Variants in PRKCA observed in about 807,000 individuals in gnomAD.
PRKCA encodes the protein protein kinase C alpha type.
In PRKCA, 27 loss-of-function variants were observed where a neutral mutation model predicts 87.0. The ratio of observed to expected loss-of-function variants is 0.31; its 90% confidence interval spans 0.23 to 0.43. PRKCA has a LOEUF of 0.43. Among genes scored for constraint, PRKCA ranks in the 20% least tolerant of loss-of-function variants. PRKCA has a pLI of 1.00. For synonymous variants in PRKCA, 329 were observed against 311.1 expected, an observed-to-expected ratio of 1.06 and a Z score of -0.61; for missense variants, 518 against 852.3, an observed-to-expected ratio of 0.61 and a Z score of 4.88.
chr17:66,460,300 A>G (rs1027958658), intron 2 of PRKCA, among the ~76,000 whole-genome samples: 1 of 151,958 alleles, frequency 6.6e-6, no homozygotes, highest in Middle Eastern at 3.2e-3. Flanking sequence ...TACTATTACT[A>G]TATGATTATG....
intron 3 of PRKCA, among the ~76,000 whole-genome samples, chr17:66,587,530 A>G (rs1229923775): frequency 6.6e-6 from 1 of 151,958 alleles, no homozygotes; most frequent in African/African-American, 2.4e-5. Context: ...CTAATGGAGG[A>G]CAGCTAGATT....
At chr17:66,654,974 A>G (rs980486025) in intron 5 of PRKCA, among the ~76,000 whole-genome samples, 13 of 152,210 alleles carry the variant, frequency 8.5e-5, no homozygotes, top group African/African-American at 2.9e-4. Flanking sequence ...TAGTGGCCCC[A>G]GTTCTTCCCC....
intron 5 of PRKCA, among the ~76,000 whole-genome samples, chr17:66,675,281 T>C (rs546946134): frequency 6.6e-6 from 1 of 152,190 alleles, no homozygotes; most frequent in Non-Finnish European, 1.5e-5. Flanking sequence ...ATAAGGGCAC[T>C]GATCCTCTCC....
chr17:66,665,371 G>T (rs759377831), intron 5 of PRKCA, among the ~76,000 whole-genome samples: 5 of 152,102 alleles, frequency 3.3e-5, no homozygotes, highest in Admixed American at 6.5e-5. Flanking sequence ...ATGACCAAAA[G>T]GTTTTCTGGT....
chr17:66,405,052 G>T (rs75169074), intron 2 of PRKCA, among the ~76,000 whole-genome samples: 1 of 151,970 alleles, frequency 6.6e-6, no homozygotes, highest in Admixed American at 6.6e-5. Context: ...GCCCGGCCAA[G>T]AGAGGGGTAG....
rs190935393 is a variant in PRKCA, at chr17:66,801,717, G to A, written c.1855-2156G>A. Among the ~76,000 whole-genome samples the A allele has an allele frequency of 3.2e-3, 490 of 152,276 alleles. 1 individual carries two copies. Among genetic ancestry groups the A allele is most frequent in the Non-Finnish European group, 4.1e-3 (278 of 68,020 alleles). ...CCATGGAAACGTGGGGTGTGAGAGT[G>A]GAAGCTTTGCCAGCCCACATGTGGG... On this transcript the variant is annotated intron_variant, in intron 16 of 16. Transcript: ENST00000413366.
intron 3 of PRKCA, among the ~76,000 whole-genome samples, chr17:66,552,052 CT>C (rs1160776340): frequency 2.0e-5 from 3 of 152,154 alleles, no homozygotes; most frequent in Admixed American, 2.0e-4. Flanking sequence ...AATCCCAGCA[CT>C]TGTGGAGGCC....
intron 2 of PRKCA, among the ~76,000 whole-genome samples, chr17:66,318,989 A>G (rs191842560): frequency 6.6e-6 from 1 of 152,262 alleles, no homozygotes; most frequent in East Asian, 1.9e-4. Context: ...AAATTACAAA[A>G]TTAGGCTAAT....
At chr17:66,617,442 T>C (rs752216571) in intron 3 of PRKCA, among the ~76,000 whole-genome samples, 42 of 152,096 alleles carry the variant, frequency 2.8e-4, no homozygotes, top group Admixed American at 2.1e-3. Flanking sequence ...TACAGGGCCA[T>C]TGAGATCAAA....
intron 3 of PRKCA, among the ~76,000 whole-genome samples, chr17:66,532,458 C>G (rs765040887): frequency 2.0e-5 from 3 of 151,802 alleles, no homozygotes; most frequent in Non-Finnish European, 4.4e-5. Flanking sequence ...TTCCGCCTCC[C>G]GGGTTTGAGC....
chr17:66,728,200 G>T (rs924147229), intron 8 of PRKCA, among the ~76,000 whole-genome samples: 1 of 152,206 alleles, frequency 6.6e-6, no homozygotes, highest in Non-Finnish European at 1.5e-5. Flanking sequence ...GGGAGCAAGG[G>T]CGTGAAGATG....
intron 2 of PRKCA, among the ~76,000 whole-genome samples, chr17:66,458,246 G>A (rs1914662131): frequency 6.6e-6 from 1 of 152,198 alleles, no homozygotes; most frequent in Non-Finnish European, 1.5e-5. Flanking sequence ...TCTTTTGTCA[G>A]GATCTTGTAG....
At chr17:66,709,035 A>T (rs1404832917) in intron 8 of PRKCA, among the ~76,000 whole-genome samples, 16 of 152,196 alleles carry the variant, frequency 1.1e-4, no homozygotes, top group Non-Finnish European at 2.9e-5. Flanking sequence ...TCATGATTTG[A>T]CTAGTTTCTC....
chr17:66,666,842 A>C (rs1972058240), intron 5 of PRKCA, among the ~76,000 whole-genome samples: 1 of 151,884 alleles, frequency 6.6e-6, no homozygotes, highest in African/African-American at 2.4e-5. Flanking sequence ...CCCCCCACAC[A>C]CAAATTTAGA....
intron 2 of PRKCA, among the ~76,000 whole-genome samples, chr17:66,374,447 C>T (rs545058536): frequency 1.7e-3 from 261 of 152,306 alleles, no homozygotes; most frequent in Non-Finnish European, 3.2e-3. Context: ...CCAGACTCCT[C>T]TGCTGCTTAC....
rs1567773562 is a variant in PRKCA at position 66,327,857 on chromosome 17, G to GC, written c.205+21732dup. 2.6e-5 allele frequency among the ~76,000 whole-genome samples: 4 copies of GC among 152,124 alleles called. No individual in the cohort carries two copies. The East Asian group carries it at 7.7e-4, about 29-fold the overall frequency. ...CATCGTCATATCTGCCAGCCACGGTGCCTGATGCTGGAGATACAAGTGAGC... is the reference window on the plus strand; with the variant it reads ...CATCGTCATATCTGCCAGCCACGGTGCCCTGATGCTGGAGATACAAGTGAGC... On this transcript the variant is annotated intron_variant, in intron 2 of 16. Transcript: ENST00000413366.
chr17:66,366,013 C>G (rs1908696645), intron 2 of PRKCA, among the ~76,000 whole-genome samples: 2 of 152,136 alleles, frequency 1.3e-5, no homozygotes, highest in African/African-American at 4.8e-5. Context: ...CATCTCGTGA[C>G]CAATATGCTT....
chr17:66,383,088 T>A (rs1909861080), intron 2 of PRKCA, among the ~76,000 whole-genome samples: 1 of 152,254 alleles, frequency 6.6e-6, no homozygotes. Flanking sequence ...TTCAAAATTT[T>A]TAAAATTCAC....
intron 3 of PRKCA, among the ~76,000 whole-genome samples, chr17:66,584,378 T>C: frequency 6.6e-6 from 1 of 151,978 alleles, no homozygotes; most frequent in East Asian, 1.9e-4. Flanking sequence ...CCCGCCACCA[T>C]GCCCAGCTGA....
Sources: gnomAD v4.1 joint callset for allele counts (sites outside exome capture counted in the v4.1 genomes callset) on GRCh38, gnomAD v4.1.1 for gene constraint, MANE v1.5 for transcripts, NCBI Gene and HGNC (gene_info 2026-07-23, HGNC 2026-07-21) for gene names.